The following COL23A1 variants were observed in gnomAD, a reference collection of about 807,000 sequenced individuals.
COL23A1 encodes the protein collagen alpha-1(XXIII) chain.
Under a neutral mutation model 99.3 loss-of-function variants are expected in COL23A1, and 97 were observed. The ratio of observed to expected loss-of-function variants is 0.98; its 90% CI spans 0.83 to 1.16. COL23A1 has a LOEUF of 1.16. Among genes scored for constraint, COL23A1 ranks in the 50% most tolerant of loss-of-function variants. The pLI is 0.00. For missense variants in COL23A1, 762 were observed against 757.4 expected, an observed-to-expected ratio of 1.01 and a Z score of -0.07; for synonymous variants, 320 against 308.2, an observed-to-expected ratio of 1.04 and a Z score of -0.40.
At chr5:178,298,553 C>T (rs1757870098) in intron 3 of COL23A1, among the ~76,000 whole-genome samples, 1 of 152,164 alleles carries the variant, frequency 6.6e-6, no homozygotes, top group African/African-American at 2.4e-5. Context: ...CTGCTCACAG[C>T]CCCACACCTG....
chr5:178,515,008 G>A (rs771682767), intron 2 of COL23A1, among the ~76,000 whole-genome samples: 3 of 152,226 alleles, frequency 2.0e-5, no homozygotes, highest in Non-Finnish European at 4.4e-5. Context: ...TGAAAGACAA[G>A]TCACTCTCTT....
chr5:178,456,813 G>C (rs1311844934), intron 2 of COL23A1, among the ~76,000 whole-genome samples: 1 of 151,546 alleles, frequency 6.6e-6, no homozygotes, highest in Non-Finnish European at 1.5e-5. Flanking sequence ...CGTAACGAAG[G>C]ATTGTTTTTC....
intron 2 of COL23A1, among the ~76,000 whole-genome samples, chr5:178,477,714 G>A (rs1433989358): frequency 6.6e-6 from 1 of 152,106 alleles, no homozygotes; most frequent in East Asian, 1.9e-4. Context: ...AACTGTCAAC[G>A]TACCCCTCCT....
chr5:178,498,205 AATATATATATATATATATAT>A lies in COL23A1; in HGVS notation c.361+62457_361+62476del, dbSNP rs1159261586. On this transcript the variant is annotated intron_variant, in intron 2 of 28. Coordinates refer to ENST00000390654, the MANE Select transcript of COL23A1 (RefSeq NM_173465.4). ...CATGGCGAGACCCTGTCTTTATTTAAATATATATATATATATATATATATATATATATATATATATATATA... is the reference window on the plus strand; with the variant it reads ...CATGGCGAGACCCTGTCTTTATTTAAATATATATATATATATATATATATA... 4.8e-3 allele frequency among the ~76,000 whole-genome samples: 166 copies of A among 34,696 alleles called. 2 individuals carry two copies. Among genetic ancestry groups the A allele is most frequent in the East Asian group, 0.021 (17 of 814 alleles). The allele number at this position is 34,696 out of a possible 152,430, so 22.8% of individuals were successfully genotyped here.
rs146448493 is a variant in COL23A1 at position 178,484,201 on chromosome 5, G to A, written c.361+76481C>T. Among the ~76,000 whole-genome samples, 242 of 152,200 alleles carry A rather than the reference G, an allele frequency of 1.6e-3. 1 individual carries two copies. The highest frequency in any genetic ancestry group is 5.7e-3 in the African/African-American group (236 of 41,530). ...AGCCTCCCAAAGTGCTGGGATTACA[G>A]GTGTGAGCCACCACGCCCAACCAAG... On this transcript the variant is annotated intron_variant, in intron 2 of 28. Coordinates refer to ENST00000390654, the MANE Select transcript of COL23A1 (RefSeq NM_173465.4).
chr5:178,400,694 G>A (rs960838437), intron 2 of COL23A1, among the ~76,000 whole-genome samples: 15 of 151,002 alleles, frequency 9.9e-5, no homozygotes, highest in Admixed American at 9.3e-4. Context: ...CGCCCAGGCT[G>A]GAGCACAATC....
At chr5:178,495,180 C>T (rs919239992) in intron 2 of COL23A1, among the ~76,000 whole-genome samples, 1 of 152,218 alleles carries the variant, frequency 6.6e-6, no homozygotes, top group African/African-American at 2.4e-5. Flanking sequence ...CCCTGCACTG[C>T]AGGCTCCCTG....
chr5:178,375,142 T>C (rs1021457465), intron 2 of COL23A1, among the ~76,000 whole-genome samples: 1 of 151,928 alleles, frequency 6.6e-6, no homozygotes, highest in Admixed American at 6.6e-5. Flanking sequence ...CTTGAAAACA[T>C]GATGGGAAGT....
At position 178,247,435 on chromosome 5, in the gene COL23A1, G is replaced by A. The variant is rs536859416; in HGVS notation, c.1296+91C>T. 5.8e-5 allele frequency: 83 copies of A among 1,437,396 alleles called. No individual in the cohort carries two copies. The African/African-American group carries it at 8.8e-4, about 15-fold the overall frequency. The allele number at this position is 1,437,396 out of a possible 1,614,324, so 89.0% of individuals were successfully genotyped here. On this transcript the variant is annotated intron_variant, in intron 22 of 28. Transcript: ENST00000390654. The stretch of plus-strand genomic sequence containing the variant: ...ACTCAGGGATGGGCCAGGGCGGAGC[G>A]TCAGGCCCTTTGCTTTGCCCATTGG...
At chr5:178,403,706 C>T (rs1257199894) in intron 2 of COL23A1, among the ~76,000 whole-genome samples, 1 of 152,254 alleles carries the variant, frequency 6.6e-6, no homozygotes, top group East Asian at 1.9e-4. Context: ...AATGTGTAAC[C>T]ATTGTTTGAA....
intron 5 of COL23A1, among the ~76,000 whole-genome samples, chr5:178,282,960 T>C (rs1194111622): frequency 6.6e-6 from 1 of 152,164 alleles, no homozygotes; most frequent in African/African-American, 2.4e-5. Context: ...AACCTCTGCC[T>C]CCTGGGTTCA....
chr5:178,431,479 C>CG lies in COL23A1; in HGVS notation c.362-124561dup, dbSNP rs1581379544. Among the ~76,000 whole-genome samples the CG allele has an allele frequency of 4.6e-5, 7 of 152,266 alleles. No homozygotes were observed. In the South Asian group the frequency reaches 1.5e-3, roughly 32 times the overall value. On this transcript the variant is annotated intron_variant, in intron 2 of 28. Transcript: ENST00000390654. ...AGAAACTGCAGATGTGATGAAGTTC[C>CG]GGATATCGAGACGGGGAGACTATTC...
intron 2 of COL23A1, among the ~76,000 whole-genome samples, chr5:178,343,197 GAGA>G (rs1226287420): frequency 6.6e-6 from 1 of 152,180 alleles, no homozygotes; most frequent in African/African-American, 2.4e-5. Flanking sequence ...TTCAAGACAT[GAGA>G]AGATCAAAGG....
In COL23A1 at chr5:178,338,388, A is replaced by T. The variant is rs150666676; in HGVS notation, c.362-31469T>A. Among the ~76,000 whole-genome samples the T allele has an allele frequency of 6.2e-3, 942 of 152,334 alleles. 8 individuals carry two copies. The highest frequency in any genetic ancestry group is 0.021 in the African/African-American group (875 of 41,570). ...GAAGCCCCAGGGACAGCAGGTGCTA[A>T]TCCCACAACCCACAGGACTCTCAGC... On this transcript the variant is annotated intron_variant, in intron 2 of 28. Coordinates refer to ENST00000390654, the MANE Select transcript of COL23A1 (RefSeq NM_173465.4).
rs576408864 is a variant in COL23A1, at chr5:178,575,739, C to G, written c.294+14165G>C. Among the ~76,000 whole-genome samples, 8 of 152,320 alleles carry G rather than the reference C, an allele frequency of 5.3e-5. No homozygotes were observed. In the South Asian group the frequency reaches 1.7e-3, roughly 32 times the overall value. Reference sequence around the variant, plus strand: ...GTGAGAGCAGAAACAGAACGCAGGACAGTTCCTGGGAAAGGCAAGAAGAGT... The same window carrying G: ...GTGAGAGCAGAAACAGAACGCAGGAGAGTTCCTGGGAAAGGCAAGAAGAGT... On this transcript the variant is annotated intron_variant, in intron 1 of 28. Coordinates refer to ENST00000390654, the MANE Select transcript of COL23A1 (RefSeq NM_173465.4).
intron 4 of COL23A1, among the ~76,000 whole-genome samples, chr5:178,289,770 ACAAC>A (rs1757356043): frequency 6.8e-6 from 1 of 147,254 alleles, no homozygotes; most frequent in African/African-American, 2.7e-5. Context: ...TTGGTGAGGA[ACAAC>A]CAGGCTTGTG....
chr5:178,406,707 C>T (rs145310577), intron 2 of COL23A1, among the ~76,000 whole-genome samples: 1,621 of 152,200 alleles, frequency 0.011, 16 homozygotes, highest in South Asian at 0.048. Context: ...GGATTACAGG[C>T]ATGAGTCACC....
intron 1 of COL23A1, among the ~76,000 whole-genome samples, chr5:178,575,322 C>T (rs990352108): frequency 6.6e-6 from 1 of 152,182 alleles, no homozygotes; most frequent in Non-Finnish European, 1.5e-5. Context: ...GTCTTTCCAC[C>T]ACTACAGCTT....
intron 2 of COL23A1, among the ~76,000 whole-genome samples, chr5:178,331,600 A>T (rs747258159): frequency 1.2e-4 from 18 of 152,164 alleles, no homozygotes; most frequent in Non-Finnish European, 2.5e-4. Flanking sequence ...GGCTCTGAGG[A>T]CAGAGGCAGC....
Sources: allele counts gnomAD v4.1 joint callset (sites outside exome capture counted in the v4.1 genomes callset), GRCh38; gene constraint gnomAD v4.1.1; transcripts MANE v1.5; gene names NCBI Gene and HGNC (gene_info 2026-07-23, HGNC 2026-07-21).